DENND5A: variants seen among roughly 807,000 people sequenced by gnomAD.
DENND5A encodes DENN domain-containing protein 5A.
A neutral mutation model predicts 140.3 loss-of-function variants in DENND5A; 64 were observed. That is an observed-to-expected ratio of 0.46 (90% CI 0.37 to 0.56). The LOEUF (loss-of-function observed/expected upper bound fraction) is 0.56, where lower values mean the gene tolerates loss of function less well. Ranked by LOEUF, DENND5A falls within the 20% of genes least tolerant of loss-of-function variation. The pLI is 0.00. For missense variants in DENND5A, 1,292 were observed against 1,593.8 expected, an observed-to-expected ratio of 0.81 and a Z score of 3.22; for synonymous variants, 605 against 607.7, an observed-to-expected ratio of 1.00 and a Z score of 0.07.
chr11:9,254,975 G>C (rs1328609400), intron 1 of DENND5A, among the ~76,000 whole-genome samples: 1 of 152,038 alleles, frequency 6.6e-6, no homozygotes, highest in African/African-American at 2.4e-5. Flanking sequence ...GGAGGCTGAG[G>C]CATGAGAATC....
intron 1 of DENND5A, among the ~76,000 whole-genome samples, chr11:9,240,870 G>A (rs1851207179): frequency 6.6e-6 from 1 of 152,138 alleles, no homozygotes; most frequent in Non-Finnish European, 1.5e-5. Context: ...AAAACCTCAA[G>A]TAGAAACAAA....
Position 9,144,230 on chromosome 11 carries a change from C to T in DENND5A, c.3171G>A (p.Leu1057=), listed in dbSNP as rs1461341451. 6.2e-7 allele frequency: 1 copy of T among 1,614,190 alleles called. No individual in the cohort carries two copies. The highest frequency in any genetic ancestry group is 8.5e-7 in the Non-Finnish European group (1 of 1,180,024). ...GCAGCTCCCCAACTAGGATCCGCTC[C>T]AGGCTTCCATCATCCATGCCCTTCC... ...WLGKGMDDGS[L]ERILVGELLT... is the part of the protein sequence containing the mutation. Residue 1057 remains leucine, a synonymous_variant, in exon 19 of 23, where the codon CTG becomes CTA. Transcript: ENST00000328194.
intron 1 of DENND5A, among the ~76,000 whole-genome samples, chr11:9,228,873 T>C (rs1850644092): frequency 6.6e-6 from 1 of 152,214 alleles, no homozygotes; most frequent in Admixed American, 6.5e-5. Flanking sequence ...CACTTGGCTG[T>C]TCCTGAGTTA....
intron 12 of DENND5A, among the ~76,000 whole-genome samples, chr11:9,159,592 A>G (rs1040300554): frequency 2.6e-5 from 4 of 152,246 alleles, no homozygotes; most frequent in Non-Finnish European, 5.9e-5. Context: ...TGCTGGGATT[A>G]CAGGTGTGAG....
chr11:9,240,245 T>C (rs1165964061), intron 1 of DENND5A, among the ~76,000 whole-genome samples: 1 of 151,226 alleles, frequency 6.6e-6, no homozygotes, highest in Non-Finnish European at 1.5e-5. Flanking sequence ...AATACAAAAA[T>C]TAACCAGGCG....
intron 6 of DENND5A, among the ~76,000 whole-genome samples, chr11:9,180,261 G>A (rs1007742446): frequency 1.1e-4 from 16 of 151,806 alleles, no homozygotes; most frequent in Non-Finnish European, 1.0e-4. Context: ...GAGACTAGCT[G>A]AGCAACATAG....
In DENND5A at chr11:9,207,063, G is replaced by C. The variant is rs1475034585; in HGVS notation, c.182-281C>G. 4 of 468,132 alleles carry C rather than the reference G, an allele frequency of 8.5e-6. No homozygotes were observed. In the Admixed American group the frequency reaches 1.6e-4, roughly 18 times the overall value. The allele number at this position is 468,132 out of a possible 1,614,324, so 29.0% of individuals were successfully genotyped here. ...CAATGGTTAATTTTCATGGGAGAGA[G>C]TGAGAAAGCACAAGGAATGACAAGG... On this transcript the variant is annotated intron_variant, in intron 2 of 22. Transcript: ENST00000328194.
intron 10 of DENND5A, among the ~76,000 whole-genome samples, chr11:9,169,571 A>G (rs1215358660): frequency 2.0e-5 from 3 of 151,680 alleles, no homozygotes; most frequent in Non-Finnish European, 4.4e-5. Context: ...CAAGTTTCAG[A>G]CTCTTAACTT....
At chr11:9,153,344 C>CAA (rs59736475) in intron 12 of DENND5A, among the ~76,000 whole-genome samples, 1,144 of 26,998 alleles carry the variant, frequency 0.042, 245 homozygotes, top group African/African-American at 0.13. Flanking sequence ...GGCTCCCTCT[C>CAA]AAAAAAAAAA....
intron 15 of DENND5A, among the ~76,000 whole-genome samples, chr11:9,148,658 T>C (rs1416212386): frequency 6.6e-6 from 1 of 151,786 alleles, no homozygotes; most frequent in Non-Finnish European, 1.5e-5. Flanking sequence ...GGAGAAGAAG[T>C]GGGGGTAAGC....
At chr11:9,164,286 C>T (rs1424551556) in intron 11 of DENND5A, among the ~76,000 whole-genome samples, 4 of 137,900 alleles carry the variant, frequency 2.9e-5, no homozygotes, top group Non-Finnish European at 4.6e-5. Context: ...CTTCTGGGCT[C>T]GAGTGATTCA....
intron 1 of DENND5A, among the ~76,000 whole-genome samples, chr11:9,253,932 C>T (rs1040376412): frequency 2.6e-5 from 4 of 151,886 alleles, no homozygotes; most frequent in Admixed American, 6.6e-5. Context: ...CCGAGACGGG[C>T]GGATCATCTG....
chr11:9,178,789 C>T (rs1448773291), intron 7 of DENND5A, 69 bp downstream of exon 7: 2 of 1,286,364 alleles, frequency 1.6e-6, no homozygotes, highest in Non-Finnish European at 2.2e-6. Context: ...AGTAATTTTC[C>T]ATTACTTCTT....
At chr11:9,166,858 TA>T (rs1848208864) in intron 10 of DENND5A, among the ~76,000 whole-genome samples, 1 of 151,076 alleles carries the variant, frequency 6.6e-6, no homozygotes, top group South Asian at 2.1e-4. Flanking sequence ...AATAAAAATT[TA>T]AAAAATTAAA....
At chr11:9,217,689 CA>C (rs972395733) in intron 1 of DENND5A, among the ~76,000 whole-genome samples, 1 of 152,054 alleles carries the variant, frequency 6.6e-6, no homozygotes, top group African/African-American at 2.4e-5. Context: ...CACAACTCTG[CA>C]AATACATTAA....
chr11:9,215,722 T>C (rs541365415), intron 1 of DENND5A, among the ~76,000 whole-genome samples: 1 of 90,714 alleles, frequency 1.1e-5, no homozygotes. Context: ...TAATTGTTTT[T>C]GTGTTTTAGT....
intron 1 of DENND5A, among the ~76,000 whole-genome samples, chr11:9,249,915 G>A (rs1024528245): frequency 6.6e-6 from 1 of 151,768 alleles, no homozygotes; most frequent in African/African-American, 2.4e-5. Context: ...TCAAACTCCT[G>A]AGTTCCAGGG....
At chr11:9,217,686 C>A (rs1850148816) in intron 1 of DENND5A, among the ~76,000 whole-genome samples, 1 of 152,136 alleles carries the variant, frequency 6.6e-6, no homozygotes, top group Non-Finnish European at 1.5e-5. Flanking sequence ...TTGCACAACT[C>A]TGCAAATACA....
At chr11:9,247,730 T>C (rs1001153227) in intron 1 of DENND5A, among the ~76,000 whole-genome samples, 3 of 152,122 alleles carry the variant, frequency 2.0e-5, no homozygotes, top group Admixed American at 2.0e-4. Context: ...ACCAAGAGTA[T>C]AGATGGTAAA....
Sources: allele counts gnomAD v4.1 joint callset (sites outside exome capture counted in the v4.1 genomes callset), GRCh38; gene constraint gnomAD v4.1.1; transcripts MANE v1.5; gene names NCBI Gene and HGNC (gene_info 2026-07-23, HGNC 2026-07-21).